Variants in DLG2 observed in about 807,000 individuals in gnomAD.
The protein encoded by DLG2 is discs large MAGUK scaffold protein 2, also known as disks large homolog 2.
A neutral mutation model predicts 132.5 loss-of-function variants in DLG2; 45 were observed. That is an observed-to-expected ratio of 0.34 (90% confidence interval 0.27 to 0.44). The LOEUF is 0.44. Ranked by LOEUF, DLG2 falls within the 20% of genes least tolerant of loss-of-function variation. DLG2 has a pLI of 1.00. For synonymous variants in DLG2, 424 were observed against 419.6 expected, an observed-to-expected ratio of 1.01 and a Z score of -0.13; for missense variants, 1,045 against 1,196.9, an observed-to-expected ratio of 0.87 and a Z score of 1.87.
At chr11:85,037,187 C>G (rs1489663774) in intron 6 of DLG2, among the ~76,000 whole-genome samples, 1 of 151,984 alleles carries the variant, frequency 6.6e-6, no homozygotes, top group Non-Finnish European at 1.5e-5. Context: ...TCTTTGCCAC[C>G]CTGAGTTCAC....
intron 4 of DLG2, among the ~76,000 whole-genome samples, chr11:85,172,626 T>C (rs972710352): frequency 2.0e-5 from 3 of 152,138 alleles, no homozygotes; most frequent in Non-Finnish European, 2.9e-5. Flanking sequence ...GATGGCTGAA[T>C]TGACAGAAGT....
At chr11:84,831,803 T>C (rs907665598) in intron 6 of DLG2, among the ~76,000 whole-genome samples, 1 of 151,636 alleles carries the variant, frequency 6.6e-6, no homozygotes, top group Non-Finnish European at 1.5e-5. Context: ...GTTTAACTAT[T>C]TTAAAATAAT....
intron 8 of DLG2, among the ~76,000 whole-genome samples, chr11:84,201,710 A>G (rs749774978): frequency 6.7e-6 from 1 of 148,248 alleles, no homozygotes; most frequent in Non-Finnish European, 1.5e-5. Context: ...GAATGTATCA[A>G]TTTTTTCTAG....
At chr11:84,229,613 A>G (rs1410557031) in intron 8 of DLG2, among the ~76,000 whole-genome samples, 1 of 152,212 alleles carries the variant, frequency 6.6e-6, no homozygotes, top group Non-Finnish European at 1.5e-5. Flanking sequence ...CTCAGATCCT[A>G]CATTTTTACA....
At chr11:85,261,513 T>C (rs2076940082) in intron 4 of DLG2, among the ~76,000 whole-genome samples, 1 of 152,084 alleles carries the variant, frequency 6.6e-6, no homozygotes, top group African/African-American at 2.4e-5. Context: ...TGAGAGTCTG[T>C]CAGCAGACCC....
intron 19 of DLG2, among the ~76,000 whole-genome samples, chr11:83,580,348 C>T (rs1207591675): frequency 7.9e-6 from 1 of 127,016 alleles, no homozygotes; most frequent in Non-Finnish European, 1.6e-5. Flanking sequence ...ACCATAGATG[C>T]CACAACTTTT....
At chr11:84,955,731 T>C (rs1259470742) in intron 6 of DLG2, 3 of 152,222 alleles carry the variant, frequency 2.0e-5, no homozygotes, top group Non-Finnish European at 4.4e-5. Context: ...CTGGAATTTG[T>C]AAATATTTTC....
At chr11:85,205,691 T>C (rs1200365955) in intron 4 of DLG2, among the ~76,000 whole-genome samples, 1 of 152,054 alleles carries the variant, frequency 6.6e-6, no homozygotes, top group Non-Finnish European at 1.5e-5. Flanking sequence ...TTTTGAAAAA[T>C]CTAAAACATA....
At chr11:83,720,292 C>CATAAAAAAAAAAA (rs1483126615) in intron 18 of DLG2, among the ~76,000 whole-genome samples, 1 of 8,982 alleles carries the variant, frequency 1.1e-4, no homozygotes. Context: ...GACTCCATCT[C>CATAAAAAAAAAAA]AGAAAAAAAA....
chr11:83,535,571 C>A (rs563738184), intron 20 of DLG2, among the ~76,000 whole-genome samples: 1 of 151,796 alleles, frequency 6.6e-6, no homozygotes, highest in Non-Finnish European at 1.5e-5. Context: ...ATTAAGTCAG[C>A]CAGACACACA....
At chr11:84,028,711 C>T (rs1047828901) in intron 11 of DLG2, among the ~76,000 whole-genome samples, 5 of 152,162 alleles carry the variant, frequency 3.3e-5, no homozygotes, top group African/African-American at 1.2e-4. Flanking sequence ...CTGGAGTGCC[C>T]TTCTCCAAAC....
intron 6 of DLG2, among the ~76,000 whole-genome samples, chr11:84,693,248 T>C (rs1231492993): frequency 4.6e-5 from 7 of 151,848 alleles, no homozygotes; most frequent in Non-Finnish European, 8.8e-5. Context: ...TAACATTAGA[T>C]ACAATTTCCC....
At chr11:85,307,076 T>C (rs2079998554) in intron 3 of DLG2, among the ~76,000 whole-genome samples, 1 of 152,118 alleles carries the variant, frequency 6.6e-6, no homozygotes, top group East Asian at 1.9e-4. Flanking sequence ...CTGAATAAAC[T>C]ATTGTAGGCA....
intron 19 of DLG2, among the ~76,000 whole-genome samples, chr11:83,591,069 G>A (rs936356504): frequency 6.6e-6 from 1 of 152,160 alleles, no homozygotes; most frequent in Non-Finnish European, 1.5e-5. Context: ...GGTACAAGGA[G>A]GAGCTGGTAC....
chr11:85,530,835 TA>T, intron 3 of DLG2, among the ~76,000 whole-genome samples: 1 of 152,344 alleles, frequency 6.6e-6, no homozygotes. Flanking sequence ...TGGTTAGAAG[TA>T]GAGTTAAAAT....
intron 8 of DLG2, among the ~76,000 whole-genome samples, chr11:84,192,848 A>G (rs1253442143): frequency 6.6e-6 from 1 of 152,228 alleles, no homozygotes; most frequent in Non-Finnish European, 1.5e-5. Context: ...AACACTCCTA[A>G]TCATGATGAA....
intron 3 of DLG2, among the ~76,000 whole-genome samples, chr11:85,309,915 G>A (rs1212001988): frequency 1.3e-5 from 2 of 152,098 alleles, no homozygotes; most frequent in African/African-American, 2.4e-5. Context: ...TTCCTTGAGG[G>A]TCAGGATTTT....
intron 3 of DLG2, among the ~76,000 whole-genome samples, chr11:85,334,057 A>T (rs1044431952): frequency 6.6e-5 from 10 of 151,938 alleles, no homozygotes; most frequent in African/African-American, 2.4e-4. Context: ...AATCCATTTC[A>T]TCCTGGGCTT....
chr11:84,691,476 T>G (rs541250666), intron 6 of DLG2, among the ~76,000 whole-genome samples: 1 of 151,978 alleles, frequency 6.6e-6, no homozygotes, highest in East Asian at 1.9e-4. Flanking sequence ...TTAAAAAAAC[T>G]ATGTTAAAGC....
Sources: gnomAD v4.1 joint callset for allele counts (sites outside exome capture counted in the v4.1 genomes callset) on GRCh38, gnomAD v4.1.1 for gene constraint, MANE v1.5 for transcripts, NCBI Gene and HGNC (gene_info 2026-07-23, HGNC 2026-07-21) for gene names.